ELMO1: variants seen among roughly 807,000 people sequenced by gnomAD.
The protein encoded by ELMO1 is engulfment and cell motility 1.
A neutral mutation model predicts 98.9 loss-of-function variants in ELMO1; 26 were observed. The observed-to-expected ratio is 0.26, with a 90% confidence interval of 0.19 to 0.36. The LOEUF is 0.36. ELMO1 is among the 10% of genes least tolerant of loss of function. The pLI is 1.00. For missense variants in ELMO1, 627 were observed against 935.2 expected (o/e 0.67, Z 4.30); for synonymous variants, 346 against 346.0 (o/e 1.00, Z 0.00).
intron 13 of ELMO1, among the ~76,000 whole-genome samples, chr7:37,206,159 G>A (rs1048451717): frequency 3.0e-4 from 45 of 152,054 alleles, no homozygotes; most frequent in African/African-American, 3.1e-4. Flanking sequence ...TCATAAGATC[G>A]TAATAATAGC....
intron 7 of ELMO1, among the ~76,000 whole-genome samples, chr7:37,233,512 A>T (rs60762074): frequency 0.071 from 10,798 of 152,182 alleles, 1,260 homozygotes; most frequent in African/African-American, 0.24. Context: ...CTATTTTTTC[A>T]GCTGAAAAAC....
At chr7:37,204,210 C>T (rs1201584617) in intron 13 of ELMO1, 1 of 456,106 alleles carries the variant, frequency 2.2e-6, no homozygotes, top group Admixed American at 2.3e-5. Context: ...GTCTTGCTGA[C>T]TTCAAGAATG....
intron 1 of ELMO1, among the ~76,000 whole-genome samples, chr7:37,370,182 T>A (rs989117000): frequency 6.6e-6 from 1 of 152,180 alleles, no homozygotes; most frequent in Non-Finnish European, 1.5e-5. Flanking sequence ...AGACCTTTGT[T>A]CACAATGCGG....
At chr7:36,985,048 C>T (rs1324727210) in intron 16 of ELMO1, 23 of 985,270 alleles carry the variant, frequency 2.3e-5, no homozygotes, top group East Asian at 1.1e-4. Flanking sequence ...TCGTTCCCCA[C>T]GCTGCCCCTC....
At chr7:36,996,115 G>A (rs1584491098) in intron 16 of ELMO1, among the ~76,000 whole-genome samples, 2 of 152,100 alleles carry the variant, frequency 1.3e-5, no homozygotes, top group East Asian at 1.9e-4. Context: ...ATCCAAAGAC[G>A]TTTTTAAGAC....
At chr7:37,385,525 T>C (rs1471225744) in intron 1 of ELMO1, among the ~76,000 whole-genome samples, 1 of 152,224 alleles carries the variant, frequency 6.6e-6, no homozygotes, top group East Asian at 1.9e-4. Context: ...GTGCTCTCTG[T>C]CCTTCCCACT....
At chr7:37,106,914 T>C (rs150575347) in intron 14 of ELMO1, among the ~76,000 whole-genome samples, 159 of 152,240 alleles carry the variant, frequency 1.0e-3, no homozygotes, top group African/African-American at 3.6e-3. Flanking sequence ...TCTGACTCAG[T>C]AGGTGTGGGT....
chr7:37,170,615 CTTT>C (rs543000463), intron 13 of ELMO1, among the ~76,000 whole-genome samples: 1 of 137,924 alleles, frequency 7.3e-6, no homozygotes, highest in African/African-American at 2.7e-5. Context: ...TCCTTGCTTG[CTTT>C]TTTTTTTTTT....
intron 16 of ELMO1, among the ~76,000 whole-genome samples, chr7:36,979,409 T>C (rs1255484710): frequency 1.3e-5 from 2 of 152,236 alleles, no homozygotes; most frequent in Non-Finnish European, 2.9e-5. Context: ...AAGGAGTCCC[T>C]CTACCCAGTT....
chr7:37,307,849 C>T (rs904182931), intron 4 of ELMO1, among the ~76,000 whole-genome samples: 3 of 152,156 alleles, frequency 2.0e-5, no homozygotes, highest in African/African-American at 4.8e-5. Flanking sequence ...TGGTGGCTCA[C>T]GTCTGTAATC....
At chr7:36,991,963 C>T (rs567883137) in intron 16 of ELMO1, among the ~76,000 whole-genome samples, 13 of 152,314 alleles carry the variant, frequency 8.5e-5, no homozygotes, top group East Asian at 1.9e-4. Context: ...CTGAGCAGCA[C>T]GCCCCACTGT....
intron 13 of ELMO1, among the ~76,000 whole-genome samples, chr7:37,150,992 G>C (rs766095582): frequency 9.9e-5 from 15 of 152,224 alleles, no homozygotes; most frequent in Non-Finnish European, 2.1e-4. Flanking sequence ...GCATCCAGCT[G>C]TGCCAGAGGG....
chr7:37,049,859 C>A (rs1483881683), intron 15 of ELMO1, among the ~76,000 whole-genome samples: 1 of 149,880 alleles, frequency 6.7e-6, no homozygotes, highest in Non-Finnish European at 1.5e-5. Context: ...CTCACCACAA[C>A]CTCCGACTCC....
At chr7:36,877,949 T>C (rs1804104402) in intron 19 of ELMO1, 61 bp downstream of exon 19, 7 of 1,279,348 alleles carry the variant, frequency 5.5e-6, no homozygotes, top group East Asian at 2.3e-5. Flanking sequence ...GCGTGATATA[T>C]TGTGACTAGG....
intron 13 of ELMO1, among the ~76,000 whole-genome samples, chr7:37,194,469 C>T (rs570617091): frequency 2.0e-5 from 3 of 152,248 alleles, no homozygotes; most frequent in Non-Finnish European, 2.9e-5. Context: ...TTTCTAGTTT[C>T]GGCCAATATC....
chr7:36,971,279 T>C (rs1382835554), intron 16 of ELMO1, among the ~76,000 whole-genome samples: 2 of 152,256 alleles, frequency 1.3e-5, no homozygotes, highest in Admixed American at 6.5e-5. Context: ...GAGAGAAAGT[T>C]TTGGCAGGTG....
chr7:37,322,206 G>T (rs1799554338), intron 2 of ELMO1, among the ~76,000 whole-genome samples: 1 of 152,012 alleles, frequency 6.6e-6, no homozygotes, highest in Non-Finnish European at 1.5e-5. Flanking sequence ...GGCTGGACGT[G>T]GTGGCCCATG....
At chr7:37,243,003 T>C (rs1208968071) in intron 7 of ELMO1, among the ~76,000 whole-genome samples, 1 of 152,190 alleles carries the variant, frequency 6.6e-6, no homozygotes, top group Non-Finnish European at 1.5e-5. Context: ...TGCCTTCATA[T>C]AGTTGGTTTA....
At chr7:37,234,273 A>G (rs965311002) in intron 7 of ELMO1, among the ~76,000 whole-genome samples, 9 of 152,316 alleles carry the variant, frequency 5.9e-5, no homozygotes, top group African/African-American at 2.2e-4. Flanking sequence ...ACCATTATTG[A>G]TATCCTACAA....
Sources: gnomAD v4.1 joint callset for allele counts (sites outside exome capture counted in the v4.1 genomes callset) on GRCh38, gnomAD v4.1.1 for gene constraint, MANE v1.5 for transcripts, NCBI Gene and HGNC (gene_info 2026-07-23, HGNC 2026-07-21) for gene names.